The following DNAH7 variants were observed in gnomAD, a reference collection of about 807,000 sequenced individuals.
The protein encoded by DNAH7 is dynein axonemal heavy chain 7, also known as axonemal beta dynein heavy chain 7.
Under a neutral mutation model 444.6 loss-of-function variants are expected in DNAH7, and 397 were observed. The ratio of observed to expected loss-of-function variants is 0.89; its 90% CI spans 0.82 to 0.97. The LOEUF (loss-of-function observed/expected upper bound fraction) is 0.97, where lower values mean the gene tolerates loss of function less well. DNAH7 is among the 50% of genes least tolerant of loss of function. The probability of loss-of-function intolerance (pLI) is 0.00; values close to 1 mark genes in which losing one functional copy is unlikely to be tolerated. For missense variants in DNAH7, 4,902 were observed against 4,800.8 expected (o/e 1.02, Z -0.62); for synonymous variants, 1,636 against 1,624.4 (o/e 1.01, Z -0.17).
chr2:195,946,018 AT>A (rs957397948), intron 19 of DNAH7, among the ~76,000 whole-genome samples: 8 of 152,286 alleles, frequency 5.3e-5, no homozygotes, highest in Admixed American at 1.3e-4. Context: ...GGAAACTGAC[AT>A]CTTTCCTAGC....
At chr2:195,864,013 A>G in intron 41 of DNAH7, 136 bp downstream of exon 41, 1 of 743,324 alleles carries the variant, frequency 1.3e-6, no homozygotes, top group Non-Finnish European at 2.1e-6. Flanking sequence ...ATAATTTCAT[A>G]AGATATAACT....
chr2:195,934,187 C>T (rs189149582), intron 21 of DNAH7, among the ~76,000 whole-genome samples: 1 of 152,114 alleles, frequency 6.6e-6, no homozygotes, highest in South Asian at 2.1e-4. Flanking sequence ...ATTTTGTATG[C>T]ATTTCATATA....
chr2:195,865,000 G>A lies in DNAH7; in HGVS notation c.6655C>T (p.Arg2219Cys), dbSNP rs375752812. ...VHEVLRVYYDRLLDNTDRSWL... is the reference protein window; with the variant it reads ...VHEVLRVYYDCLLDNTDRSWL... ...CTTCTGTCTGTATTGTCCAGAAGGC[G>A]GTCATAATACACTCGAAGGACCTGT... is the stretch of plus-strand genomic sequence containing the variant. Residue 2219 changes from arginine (R) to cysteine (C), a missense_variant, in exon 41 of 65, where the codon CGC (arginine) becomes TGC (cysteine). Arg to Cys is a radical substitution (Grantham distance 180, BLOSUM62 -3). Transcript: ENST00000312428. The A allele has an allele frequency of 2.5e-5, 40 of 1,600,872 alleles. No individual in the cohort carries two copies. The highest frequency in any genetic ancestry group is 3.4e-5 in the Admixed American group (2 of 59,620).
intron 19 of DNAH7, among the ~76,000 whole-genome samples, chr2:195,955,152 T>G (rs1285422271): frequency 6.6e-6 from 1 of 152,198 alleles, no homozygotes; most frequent in African/African-American, 2.4e-5. Flanking sequence ...GTTTTTATGG[T>G]TTTAGGTCTA....
At chr2:195,830,432 C>CA (rs1475812310) in intron 48 of DNAH7, among the ~76,000 whole-genome samples, 4 of 152,096 alleles carry the variant, frequency 2.6e-5, no homozygotes, top group Admixed American at 2.6e-4. Context: ...TGTGAGACTT[C>CA]AAATTAATAG....
chr2:195,825,185 G>A (rs1308668741), intron 48 of DNAH7: 1 of 151,990 alleles, frequency 6.6e-6, no homozygotes, highest in East Asian at 1.9e-4. Flanking sequence ...ATGAGCCTGG[G>A]AGGCCAAGGC....
intron 10 of DNAH7, among the ~76,000 whole-genome samples, chr2:196,009,046 A>G (rs1352159094): frequency 6.6e-6 from 1 of 152,162 alleles, no homozygotes; most frequent in Non-Finnish European, 1.5e-5. Context: ...GGAAGGTGCC[A>G]TACACTTTTA....
Position 195,888,798 on chromosome 2 carries a change from C to A in DNAH7, c.5229+1G>T. ...AAAAGATGTCAAAATGGAGAACTTA[C>A]AGTGGCAGGGGAAGCAACTTCTAAA... On this transcript the variant is annotated splice_donor_variant, in intron 32 of 64. Coordinates refer to ENST00000312428, the MANE Select transcript of DNAH7 (RefSeq NM_018897.3). LOFTEE classifies it high-confidence loss of function. 6.2e-7 allele frequency: 1 copy of A among 1,609,090 alleles called. No individual in the cohort carries two copies. The highest frequency in any genetic ancestry group is 8.5e-7 in the Non-Finnish European group (1 of 1,178,156).
chr2:195,822,195 A>G (rs1029504533), intron 49 of DNAH7, among the ~76,000 whole-genome samples: 5 of 152,188 alleles, frequency 3.3e-5, no homozygotes, highest in Admixed American at 3.3e-4. Context: ...CTTTGAAGAT[A>G]TTTTCCCTAT....
At chr2:195,803,257 A>C (rs1269608154) in intron 54 of DNAH7, among the ~76,000 whole-genome samples, 1 of 152,240 alleles carries the variant, frequency 6.6e-6, no homozygotes, top group Non-Finnish European at 1.5e-5. Context: ...GCATGGTTTT[A>C]CTTGAAGCAA....
At chr2:195,759,478 G>A (rs539383917) in intron 61 of DNAH7, among the ~76,000 whole-genome samples, 3 of 152,240 alleles carry the variant, frequency 2.0e-5, no homozygotes, top group African/African-American at 7.2e-5. Context: ...CCACCTTGGT[G>A]GCTACCAGGA....
At chr2:196,007,198 A>G (rs1694429413) in intron 10 of DNAH7, among the ~76,000 whole-genome samples, 1 of 152,176 alleles carries the variant, frequency 6.6e-6, no homozygotes, top group Admixed American at 6.5e-5. Context: ...CTCAAAACTT[A>G]CTACAAAACG....
In DNAH7 at chr2:195,760,617, A is replaced by T. The variant is rs138615510; in HGVS notation, c.11434-4332T>A. 1.9e-3 allele frequency among the ~76,000 whole-genome samples: 295 copies of T among 152,204 alleles called. 2 individuals carry two copies. The highest frequency in any genetic ancestry group is 6.7e-3 in the African/African-American group (279 of 41,540). On this transcript the variant is annotated intron_variant, in intron 61 of 64. Coordinates refer to ENST00000312428, the MANE Select transcript of DNAH7 (RefSeq NM_018897.3). The stretch of plus-strand genomic sequence containing the variant: ...TGTTTATGAGAAACAAAGGGAAGAG[A>T]ACAAGACTCTTTCCCTTGTAATTTA...
intron 60 of DNAH7, among the ~76,000 whole-genome samples, chr2:195,775,215 T>C (rs181730642): frequency 9.9e-4 from 151 of 152,344 alleles, no homozygotes; most frequent in African/African-American, 3.6e-3. Context: ...TAAATTCTGG[T>C]GTCTTTGCAG....
chr2:195,922,004 G>C, intron 24 of DNAH7, 84 bp downstream of exon 24: 2 of 786,336 alleles, frequency 2.5e-6, no homozygotes, highest in Non-Finnish European at 4.3e-6. Flanking sequence ...CAGTATGAGA[G>C]ACAATTTGGT....
chr2:195,923,072 C>G (rs1396172126), intron 23 of DNAH7, among the ~76,000 whole-genome samples: 2 of 152,090 alleles, frequency 1.3e-5, no homozygotes, highest in East Asian at 1.9e-4. Context: ...CCATGTTGGC[C>G]AGGCTGGTCT....
chr2:195,881,098 T>C (rs576471814), intron 36 of DNAH7, among the ~76,000 whole-genome samples: 4 of 152,328 alleles, frequency 2.6e-5, no homozygotes, highest in African/African-American at 9.6e-5. Flanking sequence ...TGCAAGCATT[T>C]ACTTTATGAG....
chr2:195,981,750 T>A (rs1004527832), intron 15 of DNAH7, among the ~76,000 whole-genome samples: 1 of 152,184 alleles, frequency 6.6e-6, no homozygotes, highest in African/African-American at 2.4e-5. Flanking sequence ...CTGGGCAAAC[T>A]GGATATTCAT....
intron 57 of DNAH7, among the ~76,000 whole-genome samples, chr2:195,790,902 A>G (rs916551062): frequency 2.0e-4 from 30 of 152,176 alleles, no homozygotes; most frequent in African/African-American, 7.2e-4. Flanking sequence ...GAGTAAAAAG[A>G]CAACCTTCAG....
Sources: gnomAD v4.1 joint callset for allele counts (sites outside exome capture counted in the v4.1 genomes callset) on GRCh38, gnomAD v4.1.1 for gene constraint, MANE v1.5 for transcripts, NCBI Gene and HGNC (gene_info 2026-07-23, HGNC 2026-07-21) for gene names.